Variants in VPS33B observed in about 807,000 individuals in gnomAD.
VPS33B encodes VPS33B late endosome and lysosome associated.
A neutral mutation model predicts 95.3 loss-of-function variants in VPS33B; 80 were observed. That is an observed-to-expected ratio of 0.84 (90% CI 0.70 to 1.01). The LOEUF is 1.01. Among genes scored for constraint, VPS33B ranks in the 50% least tolerant of loss-of-function variants. The probability of loss-of-function intolerance (pLI) is 0.00; values close to 1 mark genes in which losing one functional copy is unlikely to be tolerated. For synonymous variants in VPS33B, 280 were observed against 280.4 expected, an observed-to-expected ratio of 1.00 and a Z score of 0.01; for missense variants, 715 against 773.4, an observed-to-expected ratio of 0.92 and a Z score of 0.90.
At position 91,000,091 on chromosome 15, in the gene VPS33B, G is replaced by A; in HGVS notation, c.1582-116C>T. On this transcript the variant is annotated intron_variant, in intron 20 of 22. Coordinates refer to ENST00000333371, the MANE Select transcript of VPS33B (RefSeq NM_018668.5). The surrounding 1 kb of genome is among the most constrained non-coding windows in gnomAD (Gnocchi z 4.9). ...CTCATTACTCAAGTAGCAAAAAGTT[G>A]AGACAGGGCCAGGTGTGGTGGCTCA... 1.5e-6 allele frequency: 2 copies of A among 1,314,068 alleles called. No individual in the cohort carries two copies. Among genetic ancestry groups the A allele is most frequent in the South Asian group, 1.2e-5 (1 of 83,044 alleles). The allele number at this position is 1,314,068 out of a possible 1,614,324, so 81.4% of individuals were successfully genotyped here.
At position 90,999,762 on chromosome 15, in the gene VPS33B, C is replaced by A; in HGVS notation, c.1689G>T (p.Glu563Asp). 6.2e-7 allele frequency: 1 copy of A among 1,614,214 alleles called. No individual in the cohort carries two copies. Among genetic ancestry groups the A allele is most frequent in the Non-Finnish European group, 8.5e-7 (1 of 1,180,050 alleles). Reference sequence around the variant, plus strand: ...ACACCACCAAGATGAGGCGCAGGGACTCACTGGAAGCCTTGTCTTCCTTAG... The same window carrying A: ...ACACCACCAAGATGAGGCGCAGGGAATCACTGGAAGCCTTGTCTTCCTTAG... ...DMTKEDKASS[E>D]SLRLILVVFL... Residue 563 changes from glutamate (E) to aspartate (D), a missense_variant, in exon 22 of 23, where the codon GAG becomes GAT. Glu to Asp is a conservative substitution (Grantham distance 45). Transcript: ENST00000333371. The surrounding 1 kb of genome is among the most constrained non-coding windows in gnomAD (Gnocchi z 5.1).
chr15:91,008,856 A>G (rs1048216075), intron 6 of VPS33B, among the ~76,000 whole-genome samples: 1 of 152,164 alleles, frequency 6.6e-6, no homozygotes, highest in African/African-American at 2.4e-5. Flanking sequence ...GAATTTGGGT[A>G]AGACTCGGGA....
rs533792561 is a variant in VPS33B, at chr15:91,002,173, G to A, written c.1282C>T (p.Pro428Ser). The A allele has an allele frequency of 3.1e-6, 5 of 1,614,188 alleles. No homozygotes were observed. In the East Asian group the frequency reaches 1.1e-4, roughly 36 times the overall value. Residue 428 changes from proline to serine, a missense_variant, in exon 18 of 23, where the codon CCT (proline) becomes TCT (serine). Coordinates refer to ENST00000333371, the MANE Select transcript of VPS33B (RefSeq NM_018668.5). This position sits in a 1 kb window ranked among gnomAD's most constrained non-coding sequence, Gnocchi z 4.7. The part of the protein sequence containing the change: ...LKTQYLQSYG[P>S]EHLLTFSNLR... The stretch of plus-strand genomic sequence containing the variant: ...TTGGAGAAGGTTAGCAGGTGCTCAG[G>A]GCCATAGCTCTGAAGAAGATGCAAT...
intron 2 of VPS33B, among the ~76,000 whole-genome samples, chr15:91,017,277 C>T (rs1402971289): frequency 7.2e-6 from 1 of 138,114 alleles, no homozygotes; most frequent in African/African-American, 2.7e-5. Context: ...AATCCCAGCA[C>T]GTTGGGAGGC....
chr15:91,006,850 T>C lies in VPS33B; in HGVS notation c.700+100A>G. 6.3e-7 allele frequency: 1 copy of C among 1,591,682 alleles called. No homozygotes were observed. Among genetic ancestry groups the C allele is most frequent in the Non-Finnish European group, 8.6e-7 (1 of 1,159,988 alleles). ...GACCCACGCTCCTCAAAGCTGGGAT[T>C]CACAGCCCTAACTTTAGGATTTTAA... is the stretch of plus-strand genomic sequence containing the variant. On this transcript the variant is annotated intron_variant, in intron 9 of 22. Transcript: ENST00000333371. The surrounding 1 kb of genome is among the most constrained non-coding windows in gnomAD (Gnocchi z 5.4).
Position 91,005,852 on chromosome 15 carries a change from T to C in VPS33B, c.940-68A>G. The stretch of plus-strand genomic sequence containing the variant: ...CGAGAAACCACCACCCTCCCTCAGT[T>C]GCCATCCATCCATGAGAAAGGACAG... On this transcript the variant is annotated intron_variant, in intron 12 of 22. Coordinates refer to ENST00000333371, the MANE Select transcript of VPS33B (RefSeq NM_018668.5). The surrounding 1 kb of genome is among the most constrained non-coding windows in gnomAD (Gnocchi z 6.4). The C allele has an allele frequency of 6.2e-7, 1 of 1,609,566 alleles. No individual in the cohort carries two copies. The highest frequency in any genetic ancestry group is 8.5e-7 in the Non-Finnish European group (1 of 1,176,204).
rs12148648 is a variant in VPS33B, at chr15:91,010,968, C to A, written c.358-1122G>T. ...GAACATTCTTCACAGAAGCCTGGCC[C>A]TGAAAGAAGGGGGAGCTCTGAAAGG... is the stretch of plus-strand genomic sequence containing the variant. On this transcript the variant is annotated intron_variant, in intron 5 of 22. Transcript: ENST00000333371. This position sits in a 1 kb window ranked among gnomAD's most constrained non-coding sequence, Gnocchi z 5.7. Among the ~76,000 whole-genome samples the A allele has an allele frequency of 0.14, 21,939 of 152,062 alleles. 2,072 individuals are homozygous for A. The highest frequency in any genetic ancestry group is 0.27 in the African/African-American group (10,996 of 41,440).
At chr15:91,021,124 T>G (rs1391097722) in intron 1 of VPS33B, among the ~76,000 whole-genome samples, 1 of 152,208 alleles carries the variant, frequency 6.6e-6, no homozygotes. Context: ...TATTCAATGT[T>G]AATACAACAA....
chr15:91,003,105 G>A lies in VPS33B; in HGVS notation c.1252C>T (p.Leu418=). ...NGLIPKDYRS[L]KTQYLQSYGP... ...CTTACCTGCAGATACTGTGTTTTCA[G>A]AGATCGGTAATCCTTGGGGATCAAA... Residue 418 remains leucine, a synonymous_variant, in exon 17 of 23, where the codon CTG becomes TTG. Coordinates refer to ENST00000333371, the MANE Select transcript of VPS33B (RefSeq NM_018668.5). 1 of 1,614,180 alleles carries A rather than the reference G, an allele frequency of 6.2e-7. No individual in the cohort carries two copies. Among genetic ancestry groups the A allele is most frequent in the Non-Finnish European group, 8.5e-7 (1 of 1,180,040 alleles).
chr15:91,002,187 A>G lies in VPS33B; in HGVS notation c.1273-5T>C. On this transcript the variant is annotated splice_region_variant and splice_polypyrimidine_tract_variant and intron_variant, in intron 17 of 22. Transcript: ENST00000333371. This position sits in a 1 kb window ranked among gnomAD's most constrained non-coding sequence, Gnocchi z 4.7. Reference sequence around the variant, plus strand: ...CAGGTGCTCAGGGCCATAGCTCTGAAGAAGATGCAATTAGACTATTTACTG... The same window carrying G: ...CAGGTGCTCAGGGCCATAGCTCTGAGGAAGATGCAATTAGACTATTTACTG... 6.2e-7 allele frequency: 1 copy of G among 1,614,184 alleles called. No individual in the cohort carries two copies. The highest frequency in any genetic ancestry group is 8.5e-7 in the Non-Finnish European group (1 of 1,180,014).
In VPS33B at chr15:90,998,865, CT is replaced by C; in HGVS notation, c.*109del. ...ATCCCAACACGTTCCATGCTCCCGG[CT>C]CTTAGCAGGTAGTTGGTGGACACTT... On this transcript the variant is annotated 3_prime_UTR_variant, in exon 23 of 23. Transcript: ENST00000333371. This position sits in a 1 kb window ranked among gnomAD's most constrained non-coding sequence, Gnocchi z 4.8. 1 of 1,145,280 alleles carries C rather than the reference CT, an allele frequency of 8.7e-7. No individual in the cohort carries two copies. 70.9% of individuals were successfully genotyped at this position (1,145,280 alleles called of 1,614,324 possible).
In VPS33B at chr15:91,005,692, A is replaced by G. The variant is rs1164993240; in HGVS notation, c.1030+2T>C. On this transcript the variant is annotated splice_donor_variant, in intron 13 of 22. Transcript: ENST00000333371. LOFTEE classifies it high-confidence loss of function. This position sits in a 1 kb window ranked among gnomAD's most constrained non-coding sequence, Gnocchi z 6.4. ...CCTCACGCCCCTCAAGCTGAAACCTACGGAGACTCAGCAGGCGGTGCTCCT... is the reference window on the plus strand; with the variant it reads ...CCTCACGCCCCTCAAGCTGAAACCTGCGGAGACTCAGCAGGCGGTGCTCCT... The G allele has an allele frequency of 1.2e-6, 2 of 1,614,056 alleles. No homozygotes were observed. The highest frequency in any genetic ancestry group is 2.2e-5 in the South Asian group (2 of 91,084).
intron 18 of VPS33B, 136 bp from the exon 19 acceptor site, chr15:91,001,598 G>A (rs934289442): frequency 1.3e-6 from 1 of 773,136 alleles, no homozygotes; most frequent in Non-Finnish European, 2.3e-6. Context: ...TAATTCCCTG[G>A]AACTAATCAA....
Position 91,009,870 on chromosome 15 carries a change from T to C in VPS33B, c.358-24A>G, listed in dbSNP as rs751867333. The C allele has an allele frequency of 6.2e-7, 1 of 1,613,876 alleles. No homozygotes were observed. The highest frequency in any genetic ancestry group is 8.5e-7 in the Non-Finnish European group (1 of 1,179,772). ...AACTGAAAGAGAAAAGGAAATTGAT[T>C]AGTAACTACCTTCTTCTCTGTTCTC... On this transcript the variant is annotated intron_variant, in intron 5 of 22. Coordinates refer to ENST00000333371, the MANE Select transcript of VPS33B (RefSeq NM_018668.5). This position sits in a 1 kb window ranked among gnomAD's most constrained non-coding sequence, Gnocchi z 4.1.
intron 5 of VPS33B, among the ~76,000 whole-genome samples, chr15:91,012,259 A>G (rs1407995479): frequency 6.6e-6 from 1 of 152,198 alleles, no homozygotes; most frequent in East Asian, 1.9e-4. Context: ...AGATTGTGCT[A>G]TCAATGTTCA....
chr15:91,017,367 A>AATATATATATATATATATATATATAT (rs1159663715), intron 2 of VPS33B, among the ~76,000 whole-genome samples: 1 of 15,848 alleles, frequency 6.3e-5, no homozygotes, highest in Non-Finnish European at 1.1e-4. Flanking sequence ...TACAAAATTA[A>AATATATATATATATATATATATATAT]ATATATATAT....
intron 15 of VPS33B, 44 bp from the exon 16 acceptor site, chr15:91,004,975 A>T (rs1440842752): frequency 6.2e-7 from 1 of 1,614,072 alleles, no homozygotes; most frequent in Admixed American, 1.7e-5. Context: ...GCTTCACAAC[A>T]CGTGTTCTTT....
In VPS33B at chr15:91,009,950, C is replaced by G; in HGVS notation, c.358-104G>C. On this transcript the variant is annotated intron_variant, in intron 5 of 22. Transcript: ENST00000333371. This position sits in a 1 kb window ranked among gnomAD's most constrained non-coding sequence, Gnocchi z 4.1. ...CTGATGAGGACAATAATTGCCGAAC[C>G]CAGTGAAAGACAAGAGAACCCAGAC... 1.5e-6 allele frequency: 2 copies of G among 1,340,052 alleles called. No homozygotes were observed. The highest frequency in any genetic ancestry group is 1.8e-4 in the Middle Eastern group (1 of 5,554). 83.0% of individuals were successfully genotyped at this position (1,340,052 alleles called of 1,614,324 possible).
Position 91,000,113 on chromosome 15 carries a change from C to T in VPS33B, c.1582-138G>A. The stretch of plus-strand genomic sequence containing the variant: ...GTTGAGACAGGGCCAGGTGTGGTGG[C>T]TCACGCCTGTAATTCCAACACTTTA... On this transcript the variant is annotated intron_variant, in intron 20 of 22. Coordinates refer to ENST00000333371, the MANE Select transcript of VPS33B (RefSeq NM_018668.5). This position sits in a 1 kb window ranked among gnomAD's most constrained non-coding sequence, Gnocchi z 4.9. 2 of 1,065,600 alleles carry T rather than the reference C, an allele frequency of 1.9e-6. No homozygotes were observed. The highest frequency in any genetic ancestry group is 2.8e-6 in the Non-Finnish European group (2 of 712,060). 66.0% of individuals were successfully genotyped at this position (1,065,600 alleles called of 1,614,324 possible).
Sources: gnomAD v4.1 joint callset for allele counts (sites outside exome capture counted in the v4.1 genomes callset) on GRCh38, gnomAD v4.1.1 for gene constraint, Gnocchi (gnomAD v3.1) non-coding constraint, MANE v1.5 for transcripts, NCBI Gene and HGNC (gene_info 2026-07-23, HGNC 2026-07-21) for gene names.